Variants in PHKA1 observed in about 807,000 individuals in gnomAD.
PHKA1 encodes phosphorylase kinase regulatory subunit alpha 1.
A neutral mutation model predicts 110.2 loss-of-function variants in PHKA1; 60 were observed. The observed-to-expected ratio is 0.54, with a 90% CI of 0.44 to 0.68. The LOEUF is 0.68. PHKA1 is among the 30% of genes least tolerant of loss of function. The probability of loss-of-function intolerance (pLI) is 0.00; values close to 1 mark genes in which losing one functional copy is unlikely to be tolerated. For synonymous variants in PHKA1, 316 were observed against 333.6 expected, an observed-to-expected ratio of 0.95 and a Z score of 0.58; for missense variants, 801 against 942.5, an observed-to-expected ratio of 0.85 and a Z score of 1.97.
intron 28 of PHKA1, among the ~76,000 whole-genome samples, chrX:72,593,623 G>A (rs946622443): frequency 8.9e-6 from 1 of 112,425 alleles, no homozygotes; most frequent in Non-Finnish European, 1.9e-5. Context: ...TTACAGGCGT[G>A]AGCCACCACA....
intron 29 of PHKA1, among the ~76,000 whole-genome samples, chrX:72,586,659 A>T (rs939161604): frequency 1.8e-5 from 2 of 110,798 alleles, no homozygotes; most frequent in Non-Finnish European, 3.8e-5. Context: ...GTTTGAACCC[A>T]TCACAAGGAA....
intron 8 of PHKA1, among the ~76,000 whole-genome samples, chrX:72,662,719 C>A (rs1556304750): frequency 8.9e-6 from 1 of 111,867 alleles, no homozygotes; most frequent in Non-Finnish European, 1.9e-5. Flanking sequence ...GAGCCCACCC[C>A]TAGCAAAGCT....
intron 6 of PHKA1, 83 bp downstream of exon 6, chrX:72,675,987 C>T: frequency 1.5e-6 from 1 of 668,783 alleles, no homozygotes; most frequent in South Asian, 2.2e-5. Context: ...TTATGGTCCA[C>T]AGTCACATTA....
intron 14 of PHKA1, among the ~76,000 whole-genome samples, chrX:72,643,248 C>T (rs2053319209): frequency 9.0e-6 from 1 of 111,270 alleles, no homozygotes; most frequent in African/African-American, 3.3e-5. Context: ...CACATACACA[C>T]ATACACGCAC....
chrX:72,633,951 G>A (rs782625852), intron 16 of PHKA1, among the ~76,000 whole-genome samples: 2 of 111,277 alleles, frequency 1.8e-5, no homozygotes, highest in East Asian at 5.6e-4. Flanking sequence ...CTTGCCTCTA[G>A]GGCTCACTCA....
chrX:72,666,762 T>A (rs905041856), intron 7 of PHKA1, among the ~76,000 whole-genome samples: 2 of 111,978 alleles, frequency 1.8e-5, no homozygotes, highest in Admixed American at 1.9e-4. Context: ...CTCCTCTACT[T>A]CTGACCCACT....
At chrX:72,622,435 G>A (rs1556278962) in intron 18 of PHKA1, 7 of 751,337 alleles carry the variant, frequency 9.3e-6, no homozygotes, top group Non-Finnish European at 1.1e-5. Flanking sequence ...TTTCTTATTG[G>A]CCCTTCTCTG....
At chrX:72,640,883 C>A (rs982016190) in intron 14 of PHKA1, among the ~76,000 whole-genome samples, 7 of 110,741 alleles carry the variant, frequency 6.3e-5, no homozygotes, top group Admixed American at 5.8e-4. Context: ...AAATAATTAT[C>A]TAAAAGAAAG....
At chrX:72,620,453 G>GT (rs1263226640) in intron 19 of PHKA1, among the ~76,000 whole-genome samples, 8 of 112,023 alleles carry the variant, frequency 7.1e-5, no homozygotes, top group Non-Finnish European at 1.5e-4. Context: ...TAATGTTATA[G>GT]TTGAATATGC....
intron 28 of PHKA1, among the ~76,000 whole-genome samples, chrX:72,595,283 C>A (rs1264936849): frequency 9.0e-6 from 1 of 111,085 alleles, no homozygotes; most frequent in African/African-American, 3.3e-5. Context: ...CAGAAGGGAA[C>A]CTCCTCAATC....
At chrX:72,611,956 T>C (rs1463373843) in intron 21 of PHKA1, among the ~76,000 whole-genome samples, 1 of 111,707 alleles carries the variant, frequency 9.0e-6, no homozygotes, top group Non-Finnish European at 1.9e-5. Context: ...TACCATATAA[T>C]CCAGCATTTC....
Position 72,589,704 on chromosome X carries a change from T to C in PHKA1, c.3243+3400A>G, listed in dbSNP as rs200536706. On this transcript the variant is annotated intron_variant, in intron 29 of 31. Transcript: ENST00000373542. The stretch of plus-strand genomic sequence containing the variant: ...CCATCGTCTCAGCCCAAAATCTCCT[T>C]AAGCTAATAAGCAACTTCAGCAAAG... Among the ~76,000 whole-genome samples the C allele has an allele frequency of 1.0e-3, 109 of 104,524 alleles. No homozygotes were observed. In the East Asian group the frequency reaches 0.014, roughly 13 times the overall value. The allele number at this position is 104,524 out of a possible 115,157, so 90.8% of individuals were successfully genotyped here. A position where few individuals can be genotyped will look rare whatever the true frequency, so the allele number is the denominator to read the frequency against.
chrX:72,633,725 C>T (rs2053194659), intron 16 of PHKA1, among the ~76,000 whole-genome samples: 1 of 111,522 alleles, frequency 9.0e-6, no homozygotes, highest in African/African-American at 3.3e-5. Context: ...CCAATAGTCC[C>T]CAAACATCAT....
chrX:72,657,303 T>C (rs998300002), intron 9 of PHKA1, among the ~76,000 whole-genome samples: 4 of 112,181 alleles, frequency 3.6e-5, no homozygotes, highest in Non-Finnish European at 5.6e-5. Context: ...TGTATAAGCT[T>C]TCATCCACTG....
intron 23 of PHKA1, among the ~76,000 whole-genome samples, chrX:72,607,876 T>C (rs2052753281): frequency 9.0e-6 from 1 of 111,636 alleles, no homozygotes; most frequent in African/African-American, 3.3e-5. Flanking sequence ...ACCACTGCAC[T>C]GTACATTTGT....
chrX:72,677,886 T>C (rs2053797925), intron 5 of PHKA1, among the ~76,000 whole-genome samples: 1 of 110,175 alleles, frequency 9.1e-6, no homozygotes, highest in South Asian at 4.0e-4. Flanking sequence ...ACCCGGTTTC[T>C]ACAATTTTTT....
At chrX:72,678,908 C>T (rs1314215720) in intron 5 of PHKA1, among the ~76,000 whole-genome samples, 1 of 111,774 alleles carries the variant, frequency 8.9e-6, no homozygotes, top group African/African-American at 3.3e-5. Context: ...CTGGCAGACT[C>T]CCTGAGTTGA....
At chrX:72,658,708 T>A (rs1159940401) in intron 8 of PHKA1, among the ~76,000 whole-genome samples, 1 of 111,650 alleles carries the variant, frequency 9.0e-6, no homozygotes, top group African/African-American at 3.3e-5. Context: ...GATTTGGTTT[T>A]GTTTGATGTT....
rs1296731809 is a variant in PHKA1, at chrX:72,714,241, G to C, written c.-361C>G. ...CGCCGCGGCCCACAGCCTCCCGCCCGGCCGCCGCCAACAGGTCAACGACCG... is the reference window on the plus strand; with the variant it reads ...CGCCGCGGCCCACAGCCTCCCGCCCCGCCGCCGCCAACAGGTCAACGACCG... On this transcript the variant is annotated 5_prime_UTR_variant, in exon 1 of 32. Transcript: ENST00000373542. 5.6e-6 allele frequency: 1 copy of C among 177,201 alleles called. No individual in the cohort carries two copies. The highest frequency in any genetic ancestry group is 1.0e-5 in the Non-Finnish European group (1 of 96,260). 14.6% of individuals were successfully genotyped at this position (177,201 alleles called of 1,213,427 possible).
Sources: allele counts gnomAD v4.1 joint callset (sites outside exome capture counted in the v4.1 genomes callset), GRCh38; gene constraint gnomAD v4.1.1; transcripts MANE v1.5; gene names NCBI Gene and HGNC (gene_info 2026-07-23, HGNC 2026-07-21).